NRG1: variants seen among roughly 807,000 people sequenced by gnomAD.
The protein encoded by NRG1 is pro-neuregulin-1, membrane-bound isoform.
Under a neutral mutation model 63.8 loss-of-function variants are expected in NRG1, and 18 were observed. The observed-to-expected ratio is 0.28, with a 90% confidence interval of 0.19 to 0.42. NRG1 has a LOEUF of 0.42. NRG1 is among the 10% of genes least tolerant of loss of function. The pLI is 1.00. For synonymous variants in NRG1, 302 were observed against 301.3 expected (o/e 1.00, Z -0.02); for missense variants, 762 against 814.7 (o/e 0.94, Z 0.79).
At chr8:32,129,965 A>G (rs370209032) in intron 1 of NRG1, among the ~76,000 whole-genome samples, 28 of 152,090 alleles carry the variant, frequency 1.8e-4, no homozygotes, top group South Asian at 1.5e-3. Context: ...CTAGCTTTTA[A>G]AACACTAAAT....
At chr8:32,761,921 C>T (rs1830752195) in intron 11 of NRG1, among the ~76,000 whole-genome samples, 1 of 151,642 alleles carries the variant, frequency 6.6e-6, no homozygotes, top group African/African-American at 2.4e-5. Context: ...GCCCTGTAGT[C>T]CCAGCTACTA....
At chr8:32,570,333 T>A (rs1464731809) in intron 1 of NRG1, among the ~76,000 whole-genome samples, 3 of 152,208 alleles carry the variant, frequency 2.0e-5, no homozygotes, top group Non-Finnish European at 4.4e-5. Flanking sequence ...AATTATTAAG[T>A]ACCTAATACA....
At chr8:32,149,939 A>T (rs946504074) in intron 1 of NRG1, among the ~76,000 whole-genome samples, 1 of 152,188 alleles carries the variant, frequency 6.6e-6, no homozygotes, top group Non-Finnish European at 1.5e-5. Context: ...TCAGCTTTAA[A>T]ATTATTTCAT....
At chr8:32,432,636 A>G (rs1818287795) in intron 1 of NRG1, among the ~76,000 whole-genome samples, 2 of 152,102 alleles carry the variant, frequency 1.3e-5, no homozygotes, top group South Asian at 2.1e-4. Context: ...CAGGCTCCAG[A>G]GTAGCTGGGA....
chr8:31,729,119 G>T (rs540874981), intron 1 of NRG1, among the ~76,000 whole-genome samples: 2 of 152,096 alleles, frequency 1.3e-5, no homozygotes, highest in Non-Finnish European at 2.9e-5. Flanking sequence ...GAAAAATGGT[G>T]CCCAGGCAGT....
intron 1 of NRG1, among the ~76,000 whole-genome samples, chr8:31,803,020 A>G (rs1462992246): frequency 1.3e-5 from 2 of 152,178 alleles, no homozygotes; most frequent in Admixed American, 6.5e-5. Flanking sequence ...GCATTCTGGT[A>G]TTGCTCACAT....
chr8:31,792,090 T>C (rs1282371600), intron 1 of NRG1, among the ~76,000 whole-genome samples: 1 of 152,206 alleles, frequency 6.6e-6, no homozygotes, highest in Non-Finnish European at 1.5e-5. Flanking sequence ...GACCTGGAAC[T>C]AGTTACATGA....
At chr8:32,012,345 G>C (rs1188482305) in intron 1 of NRG1, among the ~76,000 whole-genome samples, 1 of 152,086 alleles carries the variant, frequency 6.6e-6, no homozygotes, top group Non-Finnish European at 1.5e-5. Flanking sequence ...ATCAGTGGCT[G>C]AATTAGGTGC....
intron 1 of NRG1, among the ~76,000 whole-genome samples, chr8:31,810,365 C>A (rs1822771529): frequency 6.6e-6 from 1 of 152,110 alleles, no homozygotes; most frequent in Non-Finnish European, 1.5e-5. Flanking sequence ...CAATAACACC[C>A]CTTATAATGG....
chr8:32,624,210 A>T (rs1031614727), intron 5 of NRG1, among the ~76,000 whole-genome samples: 1 of 152,234 alleles, frequency 6.6e-6, no homozygotes, highest in Admixed American at 6.5e-5. Flanking sequence ...CATTTTAGGG[A>T]AGAATCTGAT....
At chr8:31,892,993 C>A (rs1394660886) in intron 1 of NRG1, among the ~76,000 whole-genome samples, 1 of 151,672 alleles carries the variant, frequency 6.6e-6, no homozygotes, top group African/African-American at 2.4e-5. Flanking sequence ...AAAATGTAGT[C>A]TAAAGAATAT....
chr8:32,556,497 C>T (rs1835195001), intron 1 of NRG1, among the ~76,000 whole-genome samples: 1 of 152,108 alleles, frequency 6.6e-6, no homozygotes, highest in Admixed American at 6.6e-5. Flanking sequence ...TTATCTTAAC[C>T]ACCATTATTT....
intron 1 of NRG1, among the ~76,000 whole-genome samples, chr8:32,389,222 G>A (rs781158767): frequency 2.4e-4 from 36 of 152,094 alleles, no homozygotes; most frequent in Non-Finnish European, 5.0e-4. Flanking sequence ...TTCAGTAACT[G>A]TTAAGGGACA....
At position 32,072,300 on chromosome 8, in the gene NRG1, T is replaced by C. The variant is rs114868949; in HGVS notation, c.37+432869T>C. Among the ~76,000 whole-genome samples the C allele has an allele frequency of 2.5e-4, 36 of 144,622 alleles. No individual in the cohort carries two copies. The East Asian group carries it at 5.1e-3, about 20-fold the overall frequency. The allele number at this position is 144,622 out of a possible 152,430, so 94.9% of individuals were successfully genotyped here. A position where few individuals can be genotyped will look rare whatever the true frequency, so the allele number is the denominator to read the frequency against. On this transcript the variant is annotated intron_variant, in intron 1 of 10. Transcript: ENST00000519301. ...TTGTGATTGAAAAAAAAAAAAAAAG[T>C]AAGAAAAAGAGGCCCTTAGTCATTC...
At chr8:32,729,826 G>C (rs1823188132) in intron 6 of NRG1, among the ~76,000 whole-genome samples, 1 of 152,156 alleles carries the variant, frequency 6.6e-6, no homozygotes, top group African/African-American at 2.4e-5. Context: ...CTGAGCTGTG[G>C]TAGATTGGGC....
intron 1 of NRG1, among the ~76,000 whole-genome samples, chr8:32,138,385 C>T (rs1251294381): frequency 6.6e-6 from 1 of 151,792 alleles, no homozygotes; most frequent in Non-Finnish European, 1.5e-5. Flanking sequence ...ACAAACAAAG[C>T]ATTTTTCTCC....
chr8:32,487,977 G>C (rs540205550), intron 1 of NRG1, among the ~76,000 whole-genome samples: 14 of 152,298 alleles, frequency 9.2e-5, no homozygotes, highest in Admixed American at 6.5e-4. Flanking sequence ...GGTTCTAATT[G>C]TTGGGCTCCA....
chr8:32,647,669 G>C, intron 5 of NRG1: 1 of 1,503,796 alleles, frequency 6.6e-7, no homozygotes, highest in Non-Finnish European at 8.8e-7. Flanking sequence ...GGGCCTCTGC[G>C]TGGTAATGGA....
intron 1 of NRG1, among the ~76,000 whole-genome samples, chr8:32,497,946 A>G (rs1308864317): frequency 2.6e-5 from 4 of 152,026 alleles, no homozygotes; most frequent in African/African-American, 9.7e-5. Context: ...GTCTCAGCCT[A>G]CCAAGTAGCT....
Sources: allele counts gnomAD v4.1 joint callset (sites outside exome capture counted in the v4.1 genomes callset), GRCh38; gene constraint gnomAD v4.1.1; transcripts MANE v1.5; gene names NCBI Gene and HGNC (gene_info 2026-07-23, HGNC 2026-07-21).